The following TDRD12 variants were observed in gnomAD, a reference collection of about 807,000 sequenced individuals.
TDRD12 encodes tudor domain containing 12, also known as putative ATP-dependent RNA helicase TDRD12.
Under a neutral mutation model 133.5 loss-of-function variants are expected in TDRD12, and 158 were observed. The observed-to-expected ratio is 1.18, with a 90% confidence interval of 1.04 to 1.35. The LOEUF (loss-of-function observed/expected upper bound fraction) is 1.35, where lower values mean the gene tolerates loss of function less well. Ranked by LOEUF, TDRD12 falls within the 40% of genes most tolerant of loss-of-function variation. The probability of loss-of-function intolerance (pLI) is 0.00; values close to 1 mark genes in which losing one functional copy is unlikely to be tolerated. For missense variants in TDRD12, 1,443 were observed against 1,321.3 expected, an observed-to-expected ratio of 1.09 and a Z score of -1.43; for synonymous variants, 460 against 477.9, an observed-to-expected ratio of 0.96 and a Z score of 0.49.
chr19:32,817,969 CAAAAA>C, intron 26 of TDRD12, 115 bp from the exon 27 acceptor site: 2 of 593,202 alleles, frequency 3.4e-6, no homozygotes, highest in East Asian at 3.0e-5. Flanking sequence ...GCCTCTGTCT[CAAAAA>C]AAAAAAAAAA....
chr19:32,797,911 G>A lies in TDRD12; in HGVS notation c.1630+20G>A, dbSNP rs1364359714. ...GGGGCTGTAAGTATCCTTTTCAAGC[G>A]GCTATAAAAGTTAAAGTATCCTTTT... On this transcript the variant is annotated intron_variant, in intron 15 of 27. Coordinates refer to ENST00000444215, the Ensembl canonical transcript of TDRD12. 1.8e-5 allele frequency: 12 copies of A among 673,274 alleles called. No individual in the cohort carries two copies. Among genetic ancestry groups the A allele is most frequent in the African/African-American group, 7.2e-5 (4 of 55,270 alleles). The allele number at this position is 673,274 out of a possible 1,614,324, so 41.7% of individuals were successfully genotyped here.
chr19:32,808,622 G>A (rs1359024744), intron 22 of TDRD12, among the ~76,000 whole-genome samples: 1 of 152,172 alleles, frequency 6.6e-6, no homozygotes, highest in African/African-American at 2.4e-5. Context: ...TTTCAAGTCA[G>A]GTCAAAGTCA....
At chr19:32,753,475 C>T (rs1969895744) in intron 6 of TDRD12, among the ~76,000 whole-genome samples, 1 of 151,720 alleles carries the variant, frequency 6.6e-6, no homozygotes, top group African/African-American at 2.4e-5. Flanking sequence ...GTAGTTGGGA[C>T]TATAAGCGCA....
chr19:32,744,140 A>G (rs1969518889), intron 4 of TDRD12, among the ~76,000 whole-genome samples: 1 of 151,954 alleles, frequency 6.6e-6, no homozygotes, highest in Admixed American at 6.6e-5. Flanking sequence ...GCTGTATTTA[A>G]TCATTCCCCT....
chr19:32,733,492 G>A (rs1969124760), intron 2 of TDRD12, among the ~76,000 whole-genome samples: 2 of 151,374 alleles, frequency 1.3e-5, no homozygotes, highest in Admixed American at 6.6e-5. Context: ...AAATGTATAT[G>A]TGTGTGTGTA....
chr19:32,784,218 G>A (rs184173253), intron 11 of TDRD12, among the ~76,000 whole-genome samples: 15 of 152,036 alleles, frequency 9.9e-5, no homozygotes, highest in African/African-American at 2.9e-4. Flanking sequence ...GAATTTTGTC[G>A]AAGGCCTTTT....
At chr19:32,792,551 C>CCT (rs1040579185) in intron 13 of TDRD12, among the ~76,000 whole-genome samples, 1 of 151,986 alleles carries the variant, frequency 6.6e-6, no homozygotes, top group Non-Finnish European at 1.5e-5. Flanking sequence ...AGGAAAAAGG[C>CCT]AAAGAGACGG....
At chr19:32,768,114 G>A (rs1482054969) in intron 8 of TDRD12, among the ~76,000 whole-genome samples, 9 of 152,154 alleles carry the variant, frequency 5.9e-5, no homozygotes, top group Admixed American at 4.6e-4. Flanking sequence ...TTGAGTGGCC[G>A]CGCCCCAGGC....
chr19:32,721,415 C>T lies in TDRD12; in HGVS notation c.24+1319C>T, dbSNP rs192691088. 5.9e-3 allele frequency among the ~76,000 whole-genome samples: 898 copies of T among 152,012 alleles called. 9 individuals are homozygous for T. Among genetic ancestry groups the T allele is most frequent in the African/African-American group, 0.019 (808 of 41,466 alleles). On this transcript the variant is annotated intron_variant, in intron 1 of 27. Transcript: ENST00000444215. ...CATTTATTTTTTTGAGATGGAGTTT[C>T]GCTCTTGTTGTCTAGGCTGGAGTGC...
intron 9 of TDRD12, 52 bp from the exon 33 acceptor site, chr19:32,827,112 A>G: frequency 6.8e-6 from 7 of 1,034,848 alleles, no homozygotes; most frequent in Non-Finnish European, 8.7e-6. Context: ...GGGGGAAATA[A>G]AGATTTGCTG....
intron 19 of TDRD12, 148 bp from the exon 20 acceptor site, chr19:32,802,508 G>T: frequency 3.3e-6 from 3 of 901,240 alleles, no homozygotes; most frequent in Admixed American, 3.0e-5. Flanking sequence ...GTGGCATTTT[G>T]GGGAAAAAAA....
intron 6 of TDRD12, among the ~76,000 whole-genome samples, chr19:32,754,553 C>A (rs1245038041): frequency 6.6e-6 from 1 of 151,896 alleles, no homozygotes; most frequent in East Asian, 1.9e-4. Flanking sequence ...CTGTAAGGAC[C>A]AGTCTTGTAA....
chr19:32,771,586 CCTT>C (rs1878561161), intron 8 of TDRD12, among the ~76,000 whole-genome samples: 2 of 148,890 alleles, frequency 1.3e-5, no homozygotes, highest in South Asian at 2.1e-4. Flanking sequence ...CTCCCAATCT[CCTT>C]TTTTTTTTTT....
chr19:32,772,318 A>G (rs1230029549), intron 8 of TDRD12, among the ~76,000 whole-genome samples: 1 of 152,098 alleles, frequency 6.6e-6, no homozygotes, highest in African/African-American at 2.4e-5. Flanking sequence ...CCTTTTCGTA[A>G]TGTCACTTTA....
intron 22 of TDRD12, among the ~76,000 whole-genome samples, chr19:32,808,151 A>G (rs1966887480): frequency 6.6e-6 from 1 of 152,250 alleles, no homozygotes; most frequent in South Asian, 2.1e-4. Flanking sequence ...TTCTGTAATA[A>G]GGTGCAGATA....
intron 1 of TDRD12, among the ~76,000 whole-genome samples, chr19:32,725,641 G>T (rs1968834810): frequency 6.6e-6 from 1 of 152,104 alleles, no homozygotes; most frequent in Non-Finnish European, 1.5e-5. Flanking sequence ...TTTGAAGTTG[G>T]GTAGCATGAT....
chr19:32,779,167 G>T (rs929726445), intron 11 of TDRD12, among the ~76,000 whole-genome samples: 2 of 152,098 alleles, frequency 1.3e-5, no homozygotes, highest in African/African-American at 4.8e-5. Context: ...TCAGAGACCC[G>T]CATTGCCGCA....
chr19:32,797,910 C>A lies in TDRD12; in HGVS notation c.1630+19C>A, dbSNP rs541924701. On this transcript the variant is annotated intron_variant, in intron 15 of 27. Coordinates refer to ENST00000444215, the Ensembl canonical transcript of TDRD12. ...AGGGGCTGTAAGTATCCTTTTCAAG[C>A]GGCTATAAAAGTTAAAGTATCCTTT... The A allele has an allele frequency of 4.4e-6, 3 of 675,690 alleles. No individual in the cohort carries two copies. The highest frequency in any genetic ancestry group is 1.8e-5 in the African/African-American group (1 of 55,402). The allele number at this position is 675,690 out of a possible 1,614,324, so 41.9% of individuals were successfully genotyped here.
intron 23 of TDRD12, 70 bp downstream of exon 23, chr19:32,810,347 T>G: frequency 7.8e-7 from 1 of 1,281,846 alleles, no homozygotes; most frequent in Non-Finnish European, 1.0e-6. Flanking sequence ...TGAGTTCCGA[T>G]TTTGACCTCT....
Sources: allele counts gnomAD v4.1 joint callset (sites outside exome capture counted in the v4.1 genomes callset), GRCh38; gene constraint gnomAD v4.1.1; transcripts MANE v1.5; gene names NCBI Gene and HGNC (gene_info 2026-07-23, HGNC 2026-07-21).